AZI2: variants seen among roughly 807,000 people sequenced by gnomAD.
AZI2 encodes the protein 5-azacytidine-induced protein 2.
AZI2 carries 22 observed loss-of-function variants against 45.8 expected under a neutral mutation model. The ratio of observed to expected loss-of-function variants is 0.48; its 90% CI spans 0.34 to 0.69. The LOEUF is 0.69. Among genes scored for constraint, AZI2 ranks in the 30% least tolerant of loss-of-function variants. AZI2 has a pLI of 0.01. For synonymous variants in AZI2, 137 were observed against 156.7 expected (o/e 0.87, Z 0.94); for missense variants, 417 against 441.5 (o/e 0.94, Z 0.50).
At chr3:28,341,279 G>A (rs1045317636) in intron 1 of AZI2, among the ~76,000 whole-genome samples, 1 of 151,988 alleles carries the variant, frequency 6.6e-6, no homozygotes, top group African/African-American at 2.4e-5. Flanking sequence ...TATGAAATAT[G>A]TATCATCTAT....
Position 28,322,334 on chromosome 3 carries a change from G to C in AZI2, c.*1708C>G, listed in dbSNP as rs1391536046. On this transcript the variant is annotated 3_prime_UTR_variant, in exon 8 of 8. Transcript: ENST00000479665. ...ACTAGATTTTGAGATCTATAGGCAA[G>C]GACAATATTTCACATCCACTTCAAT... is the stretch of plus-strand genomic sequence containing the variant. 1.3e-5 allele frequency: 2 copies of C among 151,128 alleles called. No homozygotes were observed. Among genetic ancestry groups the C allele is most frequent in the South Asian group, 4.1e-4 (2 of 4,822 alleles). 9.4% of individuals were successfully genotyped at this position (151,128 alleles called of 1,614,324 possible).
rs531913083 is a variant in AZI2, at chr3:28,340,686, G to A, written c.-5-64C>T. 114 of 1,271,542 alleles carry A rather than the reference G, an allele frequency of 9.0e-5. 2 individuals are homozygous for A. In the South Asian group the frequency reaches 1.5e-3, roughly 17 times the overall value. The allele number at this position is 1,271,542 out of a possible 1,614,324, so 78.8% of individuals were successfully genotyped here. On this transcript the variant is annotated intron_variant, in intron 1 of 7. Coordinates refer to ENST00000479665, the MANE Select transcript of AZI2 (RefSeq NM_022461.5). ...ACTGAATAAGTGAAAAGGAAAAAAA[G>A]TTATAGTTAAGAATAATGTAAATAC...
rs1253803347 is a variant in AZI2, at chr3:28,340,469, T to A, written c.149A>T (p.Lys50Ile). 1 of 1,612,892 alleles carries A rather than the reference T, an allele frequency of 6.2e-7. No homozygotes were observed. Among genetic ancestry groups the A allele is most frequent in the South Asian group, 1.1e-5 (1 of 91,010 alleles). ...CTCTTTCTCTGAATCCTTAAGTCGT[T>A]TTTTGATGTCTTCATATGCAGTGAC... ...ALVTAYEDIKKRLKDSEKENS... is the reference protein window; with the variant it reads ...ALVTAYEDIKIRLKDSEKENS... Residue 50 changes from lysine to isoleucine, a missense_variant, in exon 2 of 8, where the codon AAA becomes ATA. Transcript: ENST00000479665.
intron 6 of AZI2, chr3:28,331,775 T>TA: frequency 6.0e-6 from 9 of 1,506,070 alleles, no homozygotes; most frequent in Non-Finnish European, 8.0e-6. Context: ...TTAGATAGCT[T>TA]AAAACACAGA....
intron 2 of AZI2, among the ~76,000 whole-genome samples, chr3:28,339,674 A>G (rs1322892989): frequency 1.3e-5 from 2 of 152,144 alleles, no homozygotes; most frequent in Non-Finnish European, 2.9e-5. Context: ...TTTATATTAC[A>G]CAGGACAATG....
intron 7 of AZI2, among the ~76,000 whole-genome samples, chr3:28,325,865 T>C (rs2125637175): frequency 6.6e-6 from 1 of 151,072 alleles, no homozygotes; most frequent in Middle Eastern, 3.4e-3. Flanking sequence ...ACCATACTAT[T>C]TTCCCTGATT....
Position 28,322,532 on chromosome 3 carries a change from T to A in AZI2, c.*1510A>T, listed in dbSNP as rs2125628549. The A allele has an allele frequency of 6.6e-6, 1 of 151,762 alleles. No individual in the cohort carries two copies. Among genetic ancestry groups the A allele is most frequent in the African/African-American group, 2.4e-5 (1 of 41,460 alleles). The allele number at this position is 151,762 out of a possible 1,614,324, so 9.4% of individuals were successfully genotyped here. ...GAGATCAGATATAATATACAGCCTATGCAGCCACATGAGAAATAGTTTTTG... is the reference window on the plus strand; with the variant it reads ...GAGATCAGATATAATATACAGCCTAAGCAGCCACATGAGAAATAGTTTTTG... On this transcript the variant is annotated 3_prime_UTR_variant, in exon 8 of 8. Coordinates refer to ENST00000479665, the MANE Select transcript of AZI2 (RefSeq NM_022461.5).
intron 5 of AZI2, among the ~76,000 whole-genome samples, chr3:28,332,957 T>C (rs1264731351): frequency 6.6e-6 from 1 of 151,822 alleles, no homozygotes; most frequent in Non-Finnish European, 1.5e-5. Flanking sequence ...AAAGTCCTTA[T>C]ATGCTTTTAA....
intron 3 of AZI2, 78 bp downstream of exon 3, chr3:28,338,415 T>C: frequency 7.1e-7 from 1 of 1,407,446 alleles, no homozygotes; most frequent in Non-Finnish European, 9.5e-7. Flanking sequence ...AATATTTAAC[T>C]TACTTCTAAT....
intron 1 of AZI2, among the ~76,000 whole-genome samples, chr3:28,342,297 C>A (rs979549822): frequency 3.9e-5 from 6 of 151,918 alleles, no homozygotes; most frequent in African/African-American, 9.7e-5. Context: ...AACCTGCCAT[C>A]CAGTCAATCT....
At chr3:28,329,847 A>C (rs763387154) in intron 6 of AZI2, among the ~76,000 whole-genome samples, 2 of 151,192 alleles carry the variant, frequency 1.3e-5, no homozygotes, top group Non-Finnish European at 3.0e-5. Context: ...CCCAAAGAAA[A>C]CAAGTTCTAA....
chr3:28,326,892 C>A lies in AZI2; in HGVS notation c.706G>T (p.Val236Leu). Residue 236 changes from valine (V) to leucine (L), a missense_variant, in exon 7 of 8, where the codon GTG becomes TTG. By Grantham distance (32) the Val-to-Leu change is conservative. Transcript: ENST00000479665. ...AGTAGTTCAGCTTGTACTTGAGTCACCAGATGTAAATTAGACATTTCTCTC... is the reference window on the plus strand; with the variant it reads ...AGTAGTTCAGCTTGTACTTGAGTCAACAGATGTAAATTAGACATTTCTCTC... ...LKREMSNLHLVTQVQAELLRK... is the reference protein window; with the variant it reads ...LKREMSNLHLLTQVQAELLRK... 1 of 1,608,414 alleles carries A rather than the reference C, an allele frequency of 6.2e-7. No homozygotes were observed. The highest frequency in any genetic ancestry group is 8.5e-7 in the Non-Finnish European group (1 of 1,176,070).
intron 1 of AZI2, among the ~76,000 whole-genome samples, chr3:28,342,476 T>C (rs905666673): frequency 8.6e-5 from 13 of 152,042 alleles, no homozygotes; most frequent in African/African-American, 3.1e-4. Context: ...ATGCTGCTTC[T>C]GATGCAAGCT....
chr3:28,326,083 T>G (rs985523749), intron 7 of AZI2, among the ~76,000 whole-genome samples: 4 of 151,084 alleles, frequency 2.6e-5, no homozygotes, highest in Non-Finnish European at 4.5e-5. Context: ...CCTATCTCAT[T>G]TTTAAAAAGT....
At chr3:28,341,885 G>C (rs1237114313) in intron 1 of AZI2, among the ~76,000 whole-genome samples, 2 of 151,988 alleles carry the variant, frequency 1.3e-5, no homozygotes, top group Non-Finnish European at 2.9e-5. Context: ...GAACATTATA[G>C]ATGAAGAAAC....
At position 28,323,396 on chromosome 3, in the gene AZI2, C is replaced by T. The variant is rs751788773; in HGVS notation, c.*646G>A. 1 of 144,278 alleles carries T rather than the reference C, an allele frequency of 6.9e-6. No homozygotes were observed. Among genetic ancestry groups the T allele is most frequent in the Non-Finnish European group, 1.5e-5 (1 of 65,688 alleles). 8.9% of individuals were successfully genotyped at this position (144,278 alleles called of 1,614,324 possible). On this transcript the variant is annotated 3_prime_UTR_variant, in exon 8 of 8. Coordinates refer to ENST00000479665, the MANE Select transcript of AZI2 (RefSeq NM_022461.5). ...TCCCAATTAGGACTTAAGGAATGTG[C>T]TGGGACAAAGTTGGCTTCAGTGATC...
intron 2 of AZI2, among the ~76,000 whole-genome samples, chr3:28,340,119 A>G (rs1577137462): frequency 6.6e-6 from 1 of 151,566 alleles, no homozygotes; most frequent in East Asian, 1.9e-4. Context: ...GAAAATTCTG[A>G]ATAAAATACA....
In AZI2 at chr3:28,342,711, G is replaced by GCACA. The variant is rs71087691; in HGVS notation, c.-5-2093_-5-2090dup. 2.0e-3 allele frequency among the ~76,000 whole-genome samples: 300 copies of GCACA among 147,576 alleles called. 2 individuals are homozygous for GCACA. Among genetic ancestry groups the GCACA allele is most frequent in the East Asian group, 4.0e-3 (20 of 4,962 alleles). Reference sequence around the variant, plus strand: ...ATCTTCATATAAGACTCTTACACATGCACACACACACACACACACACACAC... The same window carrying GCACA: ...ATCTTCATATAAGACTCTTACACATGCACACACACACACACACACACACACACAC... On this transcript the variant is annotated intron_variant, in intron 1 of 7. Transcript: ENST00000479665.
chr3:28,345,049 T>G (rs1377807339), intron 1 of AZI2, among the ~76,000 whole-genome samples: 1 of 152,140 alleles, frequency 6.6e-6, no homozygotes, highest in Non-Finnish European at 1.5e-5. Context: ...GAGGGCAGTG[T>G]TTGACAAAGG....
Sources: allele counts gnomAD v4.1 joint callset (sites outside exome capture counted in the v4.1 genomes callset), GRCh38; gene constraint gnomAD v4.1.1; transcripts MANE v1.5; gene names NCBI Gene and HGNC (gene_info 2026-07-23, HGNC 2026-07-21).